The following PLPPR5 variants were observed in gnomAD, a reference collection of about 807,000 sequenced individuals.
PLPPR5 encodes phospholipid phosphatase-related protein type 5.
PLPPR5 carries 16 observed loss-of-function variants against 33.9 expected under a neutral mutation model. The observed-to-expected ratio is 0.47, with a 90% CI of 0.32 to 0.72. The LOEUF (loss-of-function observed/expected upper bound fraction) is 0.72. Among genes scored for constraint, PLPPR5 ranks in the 30% least tolerant of loss-of-function variants. The pLI, the probability that PLPPR5 is intolerant of heterozygous loss-of-function variation, is 0.03. For synonymous variants in PLPPR5, 163 were observed against 150.3 expected (o/e 1.08, Z -0.62); for missense variants, 301 against 406.7 (o/e 0.74, Z 2.23).
At chr1:98,896,445 A>C (rs1442409559) in intron 5 of PLPPR5, among the ~76,000 whole-genome samples, 1 of 152,130 alleles carries the variant, frequency 6.6e-6, no homozygotes, top group Non-Finnish European at 1.5e-5. Flanking sequence ...GCTCATGCTT[A>C]AAAGTTCTAT....
At chr1:98,920,175 G>T (rs753974023) in intron 4 of PLPPR5, among the ~76,000 whole-genome samples, 1 of 152,080 alleles carries the variant, frequency 6.6e-6, no homozygotes, top group Non-Finnish European at 1.5e-5. Flanking sequence ...GACTTGGAAG[G>T]CACCAGCATT....
chr1:98,950,024 C>T (rs1469655175), intron 3 of PLPPR5, among the ~76,000 whole-genome samples: 1 of 152,178 alleles, frequency 6.6e-6, no homozygotes, highest in Non-Finnish European at 1.5e-5. Flanking sequence ...CTTGGCTTTA[C>T]AGTTTACTGG....
chr1:98,964,432 C>T lies in PLPPR5; in HGVS notation c.238-7691G>A, dbSNP rs117594243. ...GGGCCTCCCATGGATCAGCCTTTCA[C>T]GGAGGTACTCCTCCCCCACCTCAGC... On this transcript the variant is annotated intron_variant, in intron 1 of 5. Coordinates refer to ENST00000263177, the MANE Select transcript of PLPPR5 (RefSeq NM_001037317.2). Among the ~76,000 whole-genome samples, 54 of 152,178 alleles carry T rather than the reference C, an allele frequency of 3.5e-4. No individual in the cohort carries two copies. In the East Asian group the frequency reaches 8.9e-3, roughly 25 times the overall value.
chr1:98,909,218 CCCCTCCCTTCCCTTCCCTTT>C (rs1649023939), intron 5 of PLPPR5, among the ~76,000 whole-genome samples: 2 of 119,590 alleles, frequency 1.7e-5, no homozygotes, highest in Non-Finnish European at 3.5e-5. Context: ...GTTTCCCCCT[CCCCTCCCTTCCCTTCCCTTT>C]CCCTCCCTTC....
At chr1:98,964,099 A>G (rs1193032490) in intron 1 of PLPPR5, among the ~76,000 whole-genome samples, 1 of 152,192 alleles carries the variant, frequency 6.6e-6, no homozygotes, top group Non-Finnish European at 1.5e-5. Context: ...TGGGGCAACG[A>G]GCATAACTGG....
At chr1:99,003,484 A>G (rs1652946310) in intron 1 of PLPPR5, among the ~76,000 whole-genome samples, 1 of 152,148 alleles carries the variant, frequency 6.6e-6, no homozygotes, top group Non-Finnish European at 1.5e-5. Flanking sequence ...TACTTTGTCA[A>G]TATTAAAGGA....
intron 5 of PLPPR5, among the ~76,000 whole-genome samples, chr1:98,897,345 T>A (rs1179282457): frequency 1.3e-5 from 2 of 152,224 alleles, no homozygotes; most frequent in African/African-American, 2.4e-5. Context: ...ACCTTTCCTG[T>A]GAATTTTCTT....
At position 98,939,729 on chromosome 1, in the gene PLPPR5, T is replaced by C. The variant is rs61784619; in HGVS notation, c.621+13341A>G. 2.7e-3 allele frequency among the ~76,000 whole-genome samples: 414 copies of C among 152,018 alleles called. 12 individuals are homozygous for C. Among genetic ancestry groups the C allele is most frequent in the Middle Eastern group, 0.014 (4 of 294 alleles). Reference sequence around the variant, plus strand: ...CATGGAGAAGTGGTGGTGCCAGCGATACCTGGGTCCTGCAGTCACAGCCGT... The same window carrying C: ...CATGGAGAAGTGGTGGTGCCAGCGACACCTGGGTCCTGCAGTCACAGCCGT... On this transcript the variant is annotated intron_variant, in intron 3 of 5. Transcript: ENST00000263177.
chr1:98,924,276 G>A (rs975220689), intron 3 of PLPPR5, among the ~76,000 whole-genome samples: 4 of 152,112 alleles, frequency 2.6e-5, no homozygotes, highest in Non-Finnish European at 4.4e-5. Flanking sequence ...TCAAGATAAA[G>A]CTTATTATGA....
At chr1:98,962,234 CATA>C (rs1651275459) in intron 1 of PLPPR5, among the ~76,000 whole-genome samples, 1 of 152,086 alleles carries the variant, frequency 6.6e-6, no homozygotes, top group Admixed American at 6.5e-5. Context: ...TGGTGTGCAA[CATA>C]ATGTTGTGAA....
At chr1:98,954,843 C>T (rs1399224222) in intron 2 of PLPPR5, among the ~76,000 whole-genome samples, 3 of 152,094 alleles carry the variant, frequency 2.0e-5, no homozygotes, top group Non-Finnish European at 4.4e-5. Context: ...AATCACAAGT[C>T]TTCTTCATTT....
At chr1:98,935,813 T>C (rs143811499) in intron 3 of PLPPR5, among the ~76,000 whole-genome samples, 24 of 152,318 alleles carry the variant, frequency 1.6e-4, no homozygotes, top group African/African-American at 5.8e-4. Flanking sequence ...GCCAGAACAC[T>C]GCTTTATGCC....
At chr1:98,910,001 A>G (rs1478899278) in intron 5 of PLPPR5, among the ~76,000 whole-genome samples, 1 of 152,242 alleles carries the variant, frequency 6.6e-6, no homozygotes, top group African/African-American at 2.4e-5. Flanking sequence ...CCTATAATTA[A>G]GGGATAAATT....
intron 3 of PLPPR5, among the ~76,000 whole-genome samples, chr1:98,931,792 G>A (rs761925272): frequency 4.0e-4 from 61 of 152,182 alleles, no homozygotes; most frequent in African/African-American, 1.1e-3. Context: ...TGAAGGATTC[G>A]TATTAAAAGG....
At chr1:98,951,771 G>A (rs1205849453) in intron 3 of PLPPR5, among the ~76,000 whole-genome samples, 2 of 152,110 alleles carry the variant, frequency 1.3e-5, no homozygotes, top group Non-Finnish European at 2.9e-5. Context: ...GAAATAACAT[G>A]ATTGTATTGA....
At chr1:99,002,076 G>A (rs372255475) in intron 1 of PLPPR5, among the ~76,000 whole-genome samples, 54 of 152,184 alleles carry the variant, frequency 3.5e-4, no homozygotes, top group African/African-American at 1.2e-3. Context: ...ATGCCCAAGT[G>A]AGCATGCTAA....
intron 3 of PLPPR5, among the ~76,000 whole-genome samples, chr1:98,937,653 T>C (rs986988083): frequency 6.6e-6 from 1 of 152,172 alleles, no homozygotes; most frequent in African/African-American, 2.4e-5. Context: ...GATAACTGCA[T>C]GTCCTGGCTA....
At chr1:98,936,051 T>C (rs575826799) in intron 3 of PLPPR5, among the ~76,000 whole-genome samples, 1 of 152,354 alleles carries the variant, frequency 6.6e-6, no homozygotes, top group East Asian at 1.9e-4. Flanking sequence ...ATTCAGATCC[T>C]GTCTCCAGCA....
At chr1:98,906,242 G>C (rs1339977842) in intron 5 of PLPPR5, among the ~76,000 whole-genome samples, 2 of 150,936 alleles carry the variant, frequency 1.3e-5, no homozygotes. Context: ...CAGTGTGTGT[G>C]TGTATATATA....
Sources: gnomAD v4.1 joint callset for allele counts (sites outside exome capture counted in the v4.1 genomes callset) on GRCh38, gnomAD v4.1.1 for gene constraint, MANE v1.5 for transcripts, NCBI Gene and HGNC (gene_info 2026-07-23, HGNC 2026-07-21) for gene names.